BCHE: variants seen among roughly 807,000 people sequenced by gnomAD.
BCHE encodes the protein butyrylcholinesterase.
BCHE carries 48 observed loss-of-function variants against 51.3 expected under a neutral mutation model. The observed-to-expected ratio is 0.94, with a 90% CI of 0.74 to 1.19. The LOEUF is 1.19. Among genes scored for constraint, BCHE ranks in the 50% most tolerant of loss-of-function variants. The pLI is 0.00. For synonymous variants in BCHE, 251 were observed against 238.0 expected (o/e 1.05, Z -0.50); for missense variants, 847 against 708.2 (o/e 1.20, Z -2.23).
At chr3:165,805,169 A>G (rs1713823127) in intron 2 of BCHE, among the ~76,000 whole-genome samples, 1 of 152,164 alleles carries the variant, frequency 6.6e-6, no homozygotes, top group Non-Finnish European at 1.5e-5. Flanking sequence ...AAGGAGGAAT[A>G]ATGTTTTGAA....
chr3:165,787,022 T>A (rs1011378613), intron 2 of BCHE, among the ~76,000 whole-genome samples: 3 of 151,812 alleles, frequency 2.0e-5, no homozygotes, highest in Admixed American at 6.6e-5. Flanking sequence ...ATCCCTCCTT[T>A]TTTCATTTCT....
At chr3:165,824,611 A>G (rs1283143553) in intron 2 of BCHE, among the ~76,000 whole-genome samples, 1 of 152,038 alleles carries the variant, frequency 6.6e-6, no homozygotes, top group Admixed American at 6.6e-5. Flanking sequence ...ACTGTCCCCC[A>G]TCATTCACAG....
At chr3:165,784,606 AGTTT>A (rs1261677983) in intron 3 of BCHE, among the ~76,000 whole-genome samples, 2 of 151,836 alleles carry the variant, frequency 1.3e-5, no homozygotes, top group African/African-American at 2.4e-5. Context: ...AAAACTTTGG[AGTTT>A]GTTTATTTAA....
chr3:165,821,369 A>G (rs951334975), intron 2 of BCHE, among the ~76,000 whole-genome samples: 2 of 151,812 alleles, frequency 1.3e-5, no homozygotes, highest in Non-Finnish European at 2.9e-5. Flanking sequence ...CGATTTCTCC[A>G]TCCATAATTT....
intron 2 of BCHE, among the ~76,000 whole-genome samples, chr3:165,818,107 T>G (rs898744865): frequency 6.6e-6 from 1 of 152,246 alleles, no homozygotes; most frequent in Non-Finnish European, 1.5e-5. Flanking sequence ...AAGCATCTTG[T>G]TTTATTAAAT....
chr3:165,822,285 A>C (rs1396344007), intron 2 of BCHE, among the ~76,000 whole-genome samples: 1 of 152,056 alleles, frequency 6.6e-6, no homozygotes, highest in Non-Finnish European at 1.5e-5. Context: ...GTTTACCTTT[A>C]TTTGAAAGCT....
intron 2 of BCHE, among the ~76,000 whole-genome samples, chr3:165,791,123 C>G (rs11924595): frequency 6.6e-6 from 1 of 151,784 alleles, no homozygotes; most frequent in Non-Finnish European, 1.5e-5. Context: ...GGTGAAACCC[C>G]GTCTTTAATA....
At chr3:165,818,498 A>G (rs1453820741) in intron 2 of BCHE, among the ~76,000 whole-genome samples, 1 of 152,130 alleles carries the variant, frequency 6.6e-6, no homozygotes, top group Non-Finnish European at 1.5e-5. Context: ...AAAATTAAAG[A>G]CAAATGTTAG....
At chr3:165,781,448 T>C (rs1712694767) in intron 3 of BCHE, among the ~76,000 whole-genome samples, 1 of 152,108 alleles carries the variant, frequency 6.6e-6, no homozygotes, top group Non-Finnish European at 1.5e-5. Flanking sequence ...TGGATGAAGA[T>C]GGAAGCCACC....
intron 2 of BCHE, among the ~76,000 whole-genome samples, chr3:165,787,647 T>C (rs544961418): frequency 1.2e-4 from 19 of 152,108 alleles, no homozygotes; most frequent in Non-Finnish European, 2.4e-4. Context: ...ATGATTAATC[T>C]ACTTCTTAGT....
rs112878405 is a variant in BCHE at position 165,797,284 on chromosome 3, C to T, written c.1518-10973G>A. Among the ~76,000 whole-genome samples, 32 of 7,360 alleles carry T rather than the reference C, an allele frequency of 4.3e-3. 3 individuals are homozygous for T. The highest frequency in any genetic ancestry group is 0.034 in the East Asian group (4 of 118). 4.8% of individuals were successfully genotyped at this position (7,360 alleles called of 152,430 possible). On this transcript the variant is annotated intron_variant, in intron 2 of 3. Coordinates refer to ENST00000264381, the MANE Select transcript of BCHE (RefSeq NM_000055.4). ...TCCCTTCCTTCCTTCCTTCCTTCCT[C>T]CCTCCTTCCTCCCTCCCTCCCCCCC... is the stretch of plus-strand genomic sequence containing the variant.
At chr3:165,778,625 C>T (rs541243811) in intron 3 of BCHE, 212 of 432,374 alleles carry the variant, frequency 4.9e-4, no homozygotes, top group Non-Finnish European at 8.2e-4. Context: ...AAAAGCTTTC[C>T]ATGGTCCTGG....
intron 2 of BCHE, among the ~76,000 whole-genome samples, chr3:165,812,585 T>C (rs1714143017): frequency 6.6e-6 from 1 of 151,942 alleles, no homozygotes; most frequent in African/African-American, 2.4e-5. Flanking sequence ...CTCTTGTTTG[T>C]ATTTAGAACT....
At chr3:165,790,913 G>C (rs1713139271) in intron 2 of BCHE, among the ~76,000 whole-genome samples, 1 of 152,086 alleles carries the variant, frequency 6.6e-6, no homozygotes, top group South Asian at 2.1e-4. Flanking sequence ...GGGACAGTAA[G>C]TTCACATTAT....
At chr3:165,808,084 C>T (rs932052310) in intron 2 of BCHE, among the ~76,000 whole-genome samples, 1 of 151,828 alleles carries the variant, frequency 6.6e-6, no homozygotes, top group East Asian at 1.9e-4. Context: ...CAAGAGTTCA[C>T]GCCATTCTCC....
intron 2 of BCHE, among the ~76,000 whole-genome samples, chr3:165,809,717 G>T (rs755030795): frequency 1.3e-5 from 2 of 151,988 alleles, no homozygotes; most frequent in Non-Finnish European, 2.9e-5. Flanking sequence ...CACAAGGGTA[G>T]CTTACTATCA....
At chr3:165,818,448 A>T (rs1714387484) in intron 2 of BCHE, among the ~76,000 whole-genome samples, 2 of 152,126 alleles carry the variant, frequency 1.3e-5, no homozygotes, top group Admixed American at 1.3e-4. Context: ...AAATCAAGAC[A>T]TGCAGGTGGA....
chr3:165,798,822 T>G (rs968237635), intron 2 of BCHE, among the ~76,000 whole-genome samples: 1 of 40,002 alleles, frequency 2.5e-5, no homozygotes, highest in Non-Finnish European at 9.1e-5. Flanking sequence ...GCTCCCCATC[T>G]GAACAAAAAA....
At chr3:165,774,032 C>A (rs1025093589) in intron 3 of BCHE, among the ~76,000 whole-genome samples, 1 of 151,916 alleles carries the variant, frequency 6.6e-6, no homozygotes, top group African/African-American at 2.4e-5. Flanking sequence ...TGTAAAATAG[C>A]ATAACATTTT....
Sources: gnomAD v4.1 joint callset for allele counts (sites outside exome capture counted in the v4.1 genomes callset) on GRCh38, gnomAD v4.1.1 for gene constraint, MANE v1.5 for transcripts, NCBI Gene and HGNC (gene_info 2026-07-23, HGNC 2026-07-21) for gene names.